The following PARG variants were observed in gnomAD, a reference collection of about 807,000 sequenced individuals.
PARG encodes the protein poly(ADP-ribose) glycohydrolase.
In PARG, 35 loss-of-function variants were observed where a neutral mutation model predicts 113.0. That is an observed-to-expected ratio of 0.31 (90% confidence interval 0.24 to 0.41). The LOEUF (loss-of-function observed/expected upper bound fraction) is 0.41, where lower values mean the gene tolerates loss of function less well. PARG is among the 10% of genes least tolerant of loss of function. The probability of loss-of-function intolerance (pLI) is 1.00; values close to 1 mark genes in which losing one functional copy is unlikely to be tolerated. For missense variants in PARG, 797 were observed against 1,169.4 expected, an observed-to-expected ratio of 0.68 and a Z score of 4.64; for synonymous variants, 330 against 409.9, an observed-to-expected ratio of 0.81 and a Z score of 2.36.
intron 4 of PARG, among the ~76,000 whole-genome samples, chr10:49,928,695 G>T (rs1480418645): frequency 6.6e-6 from 1 of 152,134 alleles, no homozygotes; most frequent in African/African-American, 2.4e-5. Flanking sequence ...TGTACAGATG[G>T]GCTCTGCCTA....
intron 6 of PARG, among the ~76,000 whole-genome samples, chr10:49,917,473 A>G (rs1344282195): frequency 1.0e-3 from 131 of 128,920 alleles, no homozygotes; most frequent in Middle Eastern, 5.4e-3. Context: ...TGGGTGACAG[A>G]GCGAGACTCC....
At chr10:49,921,639 T>A (rs1837878391) in intron 6 of PARG, among the ~76,000 whole-genome samples, 1 of 151,928 alleles carries the variant, frequency 6.6e-6, no homozygotes, top group Non-Finnish European at 1.5e-5. Context: ...AAATTAAGTC[T>A]CTGAAAGAAA....
intron 16 of PARG, among the ~76,000 whole-genome samples, chr10:49,823,080 T>C (rs192075057): frequency 6.6e-6 from 1 of 152,252 alleles, no homozygotes; most frequent in Non-Finnish European, 1.5e-5. Flanking sequence ...GTAAATAAGA[T>C]ATCAGTGTAC....
intron 7 of PARG, among the ~76,000 whole-genome samples, chr10:49,906,141 C>A (rs1247634985): frequency 8.0e-6 from 1 of 124,880 alleles, no homozygotes; most frequent in Non-Finnish European, 1.8e-5. Flanking sequence ...TGTGATGCTG[C>A]CGCTTTTTTT....
chr10:49,866,459 T>C (rs1846519476), intron 10 of PARG, among the ~76,000 whole-genome samples: 2 of 152,114 alleles, frequency 1.3e-5, no homozygotes, highest in South Asian at 4.2e-4. Flanking sequence ...TTACGTCTTT[T>C]AGATACCTAA....
chr10:49,844,630 A>C (rs1845415168), intron 13 of PARG, among the ~76,000 whole-genome samples: 1 of 151,768 alleles, frequency 6.6e-6, no homozygotes, highest in Non-Finnish European at 1.5e-5. Context: ...CTCAAAAAAA[A>C]AAAAAAAGAC....
chr10:49,922,861 A>G (rs1405407967), intron 4 of PARG, among the ~76,000 whole-genome samples, 192 bp from the exon 5 acceptor site: 2 of 152,182 alleles, frequency 1.3e-5, no homozygotes, highest in Non-Finnish European at 2.9e-5. Flanking sequence ...GATATAGTAT[A>G]TATTCTAGCT....
intron 3 of PARG, among the ~76,000 whole-genome samples, chr10:49,932,698 TG>T (rs1364265247): frequency 6.6e-6 from 1 of 152,184 alleles, no homozygotes; most frequent in Admixed American, 6.5e-5. Context: ...ATGACACACC[TG>T]GATTTAAATC....
chr10:49,889,448 C>T (rs2132673386), intron 7 of PARG, among the ~76,000 whole-genome samples: 1 of 152,270 alleles, frequency 6.6e-6, no homozygotes, highest in East Asian at 1.9e-4. Flanking sequence ...GAGAGAGGTA[C>T]CTTGATAGTG....
intron 13 of PARG, among the ~76,000 whole-genome samples, chr10:49,847,544 C>T (rs1486320822): frequency 6.6e-6 from 1 of 152,154 alleles, no homozygotes; most frequent in African/African-American, 2.4e-5. Flanking sequence ...AATAACTAGC[C>T]TATCCACTTG....
chr10:49,863,028 T>C (rs1846329207), intron 11 of PARG, among the ~76,000 whole-genome samples: 1 of 151,580 alleles, frequency 6.6e-6, no homozygotes, highest in African/African-American at 2.4e-5. Context: ...AGTATAGCTC[T>C]TAATAAAATC....
chr10:49,885,544 G>T (rs756317566), intron 7 of PARG, among the ~76,000 whole-genome samples: 1 of 152,070 alleles, frequency 6.6e-6, no homozygotes, highest in Non-Finnish European at 1.5e-5. Flanking sequence ...GAAAAAAAAT[G>T]TAAGTATCCC....
chr10:49,842,099 T>C, intron 14 of PARG, 41 bp from the exon 15 acceptor site: 2 of 1,351,782 alleles, frequency 1.5e-6, no homozygotes, highest in Non-Finnish European at 2.1e-6. Flanking sequence ...AAGGAACAGG[T>C]AGTCGCTCAA....
chr10:49,939,289 T>C (rs1351518040), intron 1 of PARG, among the ~76,000 whole-genome samples: 1 of 152,202 alleles, frequency 6.6e-6, no homozygotes, highest in Non-Finnish European at 1.5e-5. Context: ...CTGCCATTTG[T>C]TTCTTGCAAC....
At chr10:49,867,484 C>T (rs1846576761) in intron 10 of PARG, 1 of 152,222 alleles carries the variant, frequency 6.6e-6, no homozygotes, top group East Asian at 1.9e-4. Context: ...CGATGAAATA[C>T]GGTACCTTAA....
At chr10:49,857,227 C>G in intron 13 of PARG, 79 bp downstream of exon 13, 2 of 622,514 alleles carry the variant, frequency 3.2e-6, no homozygotes, top group South Asian at 3.9e-5. Flanking sequence ...AAAAGCTATA[C>G]TGGGTAGTCT....
At chr10:49,829,273 A>G (rs1844533966) in intron 16 of PARG, among the ~76,000 whole-genome samples, 1 of 152,010 alleles carries the variant, frequency 6.6e-6, no homozygotes, top group Non-Finnish European at 1.5e-5. Flanking sequence ...TTTCTTTTGT[A>G]ATTTTCTTTT....
intron 4 of PARG, among the ~76,000 whole-genome samples, chr10:49,928,100 G>A (rs550099630): frequency 2.0e-5 from 3 of 152,072 alleles, no homozygotes; most frequent in South Asian, 4.2e-4. Context: ...GCGAAACCCC[G>A]TCTCTATTAA....
intron 6 of PARG, among the ~76,000 whole-genome samples, chr10:49,920,463 A>AAAAAAAAAAAAT (rs1431747248): frequency 1.0e-4 from 5 of 47,980 alleles, no homozygotes; most frequent in Non-Finnish European, 2.8e-4. Flanking sequence ...AAAAAAAAAA[A>AAAAAAAAAAAAT]ATATATATAT....
Sources: gnomAD v4.1 joint callset for allele counts (sites outside exome capture counted in the v4.1 genomes callset) on GRCh38, gnomAD v4.1.1 for gene constraint, MANE v1.5 for transcripts, NCBI Gene and HGNC (gene_info 2026-07-23, HGNC 2026-07-21) for gene names.